Variants in DIS3L observed in about 807,000 individuals in gnomAD.
DIS3L encodes the protein DIS3 like exosome 3'-5' exoribonuclease.
Under a neutral mutation model 120.3 loss-of-function variants are expected in DIS3L, and 100 were observed. That is an observed-to-expected ratio of 0.83 (90% CI 0.71 to 0.98). The LOEUF is 0.98. DIS3L is among the 50% of genes least tolerant of loss of function. The pLI, the probability that DIS3L is intolerant of heterozygous loss-of-function variation, is 0.00. For synonymous variants in DIS3L, 426 were observed against 470.6 expected (o/e 0.91, Z 1.23); for missense variants, 1,196 against 1,314.2 (o/e 0.91, Z 1.39).
At chr15:66,308,050 T>C (rs755971740) in intron 3 of DIS3L, among the ~76,000 whole-genome samples, 4 of 152,184 alleles carry the variant, frequency 2.6e-5, no homozygotes, top group African/African-American at 7.2e-5. Flanking sequence ...TGTGCACCTG[T>C]AGTCCCAGCT....
rs147582284 is a variant in DIS3L, at chr15:66,327,077, G to A, written c.2201+713G>A. On this transcript the variant is annotated intron_variant, in intron 12 of 16. Coordinates refer to ENST00000319212, the MANE Select transcript of DIS3L (RefSeq NM_001143688.3). ...CCTGAGTATATGGGATTACAAGCAT[G>A]TGCCACCACGCCTGGCTAATTTTTG... Among the ~76,000 whole-genome samples, 700 of 151,320 alleles carry A rather than the reference G, an allele frequency of 4.6e-3. 8 individuals are homozygous for A. Among genetic ancestry groups the A allele is most frequent in the African/African-American group, 0.016 (673 of 41,232 alleles).
intron 2 of DIS3L, among the ~76,000 whole-genome samples, chr15:66,298,451 A>G (rs1173095299): frequency 6.6e-6 from 1 of 152,242 alleles, no homozygotes; most frequent in Non-Finnish European, 1.5e-5. Context: ...CTAAATAATC[A>G]AAGTAACAAA....
chr15:66,298,292 A>C (rs1171158812), intron 2 of DIS3L, among the ~76,000 whole-genome samples: 2 of 152,064 alleles, frequency 1.3e-5, no homozygotes, highest in Non-Finnish European at 2.9e-5. Context: ...TGTTCTCAAC[A>C]TGAGTGATAT....
At chr15:66,329,194 T>G in intron 13 of DIS3L, 27 bp from the exon 14 acceptor site, 1 of 1,587,998 alleles carries the variant, frequency 6.3e-7, no homozygotes, top group Non-Finnish European at 8.6e-7. Flanking sequence ...TTTTTGTTTA[T>G]TTTGATCTTT....
intron 2 of DIS3L, among the ~76,000 whole-genome samples, chr15:66,304,137 A>G (rs2092679151): frequency 6.9e-6 from 1 of 145,230 alleles, no homozygotes; most frequent in South Asian, 2.2e-4. Flanking sequence ...CTCTTCTAAG[A>G]GGCTTTTAAA....
chr15:66,326,639 GTA>G, intron 12 of DIS3L: 1 of 327,980 alleles, frequency 3.0e-6, no homozygotes, highest in Non-Finnish European at 5.7e-6. Flanking sequence ...GAGTACAGTG[GTA>G]TGATCTCGGC....
At chr15:66,307,493 G>A (rs1374489916) in intron 3 of DIS3L, among the ~76,000 whole-genome samples, 1 of 151,882 alleles carries the variant, frequency 6.6e-6, no homozygotes, top group East Asian at 1.9e-4. Flanking sequence ...GTAGAAACGG[G>A]GTCCCATTAT....
intron 7 of DIS3L, among the ~76,000 whole-genome samples, chr15:66,316,104 C>T (rs921064155): frequency 1.3e-5 from 2 of 152,138 alleles, no homozygotes; most frequent in African/African-American, 4.8e-5. Flanking sequence ...TAATCTCTGG[C>T]CCTTCCTTGG....
intron 2 of DIS3L, among the ~76,000 whole-genome samples, chr15:66,298,094 G>A (rs1477585658): frequency 5.6e-5 from 8 of 143,918 alleles, no homozygotes; most frequent in South Asian, 2.2e-4. Context: ...CAGGAAAATC[G>A]CTTGAACCCG....
intron 14 of DIS3L, among the ~76,000 whole-genome samples, chr15:66,331,208 G>T (rs114197044): frequency 0.015 from 2,305 of 152,090 alleles, 63 homozygotes; most frequent in African/African-American, 0.054. Context: ...TTCCTTATCA[G>T]TAGTGCTAAT....
chr15:66,308,574 C>G (rs1274802781), intron 3 of DIS3L, 135 bp from the exon 4 acceptor site: 2 of 1,199,890 alleles, frequency 1.7e-6, no homozygotes, highest in Non-Finnish European at 2.3e-6. Flanking sequence ...ATAATGGATA[C>G]TCCAGAAGTA....
rs1316688273 is a variant in DIS3L, at chr15:66,313,769, GTATATATATATGTGTGTGTGTA to G, written c.736-260_736-239del. Among the ~76,000 whole-genome samples, 17 of 123,426 alleles carry G rather than the reference GTATATATATATGTGTGTGTGTA, an allele frequency of 1.4e-4. No homozygotes were observed. In the East Asian group the frequency reaches 3.3e-3, roughly 24 times the overall value. 81.0% of individuals were successfully genotyped at this position (123,426 alleles called of 152,430 possible). A position where few individuals can be genotyped will look rare whatever the true frequency, so the allele number is the denominator to read the frequency against. On this transcript the variant is annotated intron_variant, in intron 5 of 16. Transcript: ENST00000319212. ...AAAAAGTGTATATGTGTGTGTGTGT[GTATATATATATGTGTGTGTGTA>G]TATATATATGTGTGTGTGTGTACAT... is the stretch of plus-strand genomic sequence containing the variant.
chr15:66,309,428 A>G (rs1365778450), intron 4 of DIS3L, among the ~76,000 whole-genome samples: 2 of 152,078 alleles, frequency 1.3e-5, no homozygotes, highest in African/African-American at 2.4e-5. Flanking sequence ...TGATGATGAT[A>G]ATAGGTTGAA....
At chr15:66,306,717 A>G in intron 2 of DIS3L, 107 bp from the exon 3 acceptor site, 5 of 1,469,368 alleles carry the variant, frequency 3.4e-6, no homozygotes, top group South Asian at 1.2e-5. Flanking sequence ...GTTTAAAGTA[A>G]TCAATCTTTT....
intron 8 of DIS3L, among the ~76,000 whole-genome samples, chr15:66,320,195 A>T (rs1315691470): frequency 6.6e-6 from 1 of 152,082 alleles, no homozygotes. Flanking sequence ...AAACATTAAG[A>T]TTGTTGTTTT....
chr15:66,305,671 C>T (rs757932118), intron 2 of DIS3L, among the ~76,000 whole-genome samples: 2 of 151,950 alleles, frequency 1.3e-5, no homozygotes, highest in Non-Finnish European at 2.9e-5. Context: ...ACTACAGGCA[C>T]GTACCACCAT....
chr15:66,294,207 CT>C (rs2092558915), intron 1 of DIS3L: 1 of 985,624 alleles, frequency 1.0e-6, no homozygotes, highest in Non-Finnish European at 1.2e-6. Flanking sequence ...TTGCCCCAGA[CT>C]TTTCCCCCAG....
rs2093025436 is a variant in DIS3L, at chr15:66,333,498, A to T, written c.*186A>T. The T allele has an allele frequency of 1.9e-6, 1 of 523,142 alleles. No individual in the cohort carries two copies. The highest frequency in any genetic ancestry group is 3.2e-6 in the Non-Finnish European group (1 of 309,602). The allele number at this position is 523,142 out of a possible 1,614,324, so 32.4% of individuals were successfully genotyped here. On this transcript the variant is annotated 3_prime_UTR_variant, in exon 17 of 17. Coordinates refer to ENST00000319212, the MANE Select transcript of DIS3L (RefSeq NM_001143688.3). Reference sequence around the variant, plus strand: ...GTAACCCCAGCACTTTGGGAGGCTGAGGCGGGCGGATCACGAGGTCAGGAG... The same window carrying T: ...GTAACCCCAGCACTTTGGGAGGCTGTGGCGGGCGGATCACGAGGTCAGGAG...
Position 66,304,952 on chromosome 15 carries a change from TCA to T in DIS3L, c.294-1869_294-1868del, listed in dbSNP as rs535383541. 2.6e-4 allele frequency among the ~76,000 whole-genome samples: 40 copies of T among 151,250 alleles called. 3 individuals carry two copies. The South Asian group carries it at 8.1e-3, about 31-fold the overall frequency. On this transcript the variant is annotated intron_variant, in intron 2 of 16. Transcript: ENST00000319212. ...TATAAGTTGCTATTTATGATTCTTT[TCA>T]CAGTGACTCAAAATTAGAATTACTA...
Sources: gnomAD v4.1 joint callset for allele counts (sites outside exome capture counted in the v4.1 genomes callset) on GRCh38, gnomAD v4.1.1 for gene constraint, MANE v1.5 for transcripts, NCBI Gene and HGNC (gene_info 2026-07-23, HGNC 2026-07-21) for gene names.